The following SLC35D1 variants were observed in gnomAD, a reference collection of about 807,000 sequenced individuals.
SLC35D1 encodes the protein solute carrier family 35 member D1.
SLC35D1 carries 31 observed loss-of-function variants against 46.7 expected under a neutral mutation model. The ratio of observed to expected loss-of-function variants is 0.66; its 90% confidence interval spans 0.50 to 0.90. The LOEUF is 0.90. SLC35D1 is among the 40% of genes least tolerant of loss of function. SLC35D1 has a pLI of 0.00. For missense variants in SLC35D1, 397 were observed against 426.2 expected (o/e 0.93, Z 0.60); for synonymous variants, 195 against 164.6 (o/e 1.18, Z -1.41).
intron 7 of SLC35D1, among the ~76,000 whole-genome samples, chr1:67,044,239 G>A (rs988696656): frequency 8.6e-5 from 13 of 151,502 alleles, no homozygotes; most frequent in Non-Finnish European, 1.9e-4. Flanking sequence ...AAGAGGCTGA[G>A]GCACAAGAAT....
the SLC35D1 span, among the ~76,000 whole-genome samples, chr1:66,990,636 T>C: frequency 7.2e-5 from 11 of 151,990 alleles, no homozygotes; most frequent in Non-Finnish European, 1.6e-4. Context: ...CAGATGGGAG[T>C]TGTAGTAGAA....
At chr1:67,042,834 C>T (rs1425533501) in intron 7 of SLC35D1, among the ~76,000 whole-genome samples, 3 of 152,210 alleles carry the variant, frequency 2.0e-5, no homozygotes, top group East Asian at 3.9e-4. Context: ...GAGGCTGAGG[C>T]GGACAGATTG....
intron 10 of SLC35D1, among the ~76,000 whole-genome samples, chr1:67,009,592 A>G (rs540075571): frequency 1.3e-5 from 2 of 152,364 alleles, no homozygotes; most frequent in Admixed American, 1.3e-4. Context: ...AAGGCTCATC[A>G]CCAATCATCA....
chr1:67,037,479 C>A (rs2102331796), intron 8 of SLC35D1, among the ~76,000 whole-genome samples: 1 of 148,696 alleles, frequency 6.7e-6, no homozygotes, highest in African/African-American at 2.6e-5. Flanking sequence ...TTCTGGCTGT[C>A]TAGACTCCTG....
At chr1:66,984,725 C>G in the SLC35D1 span, 1 of 1,613,936 alleles carries the variant, frequency 6.2e-7, no homozygotes, top group Non-Finnish European at 8.5e-7. Context: ...ACCACTGACC[C>G]AAAACTTGCC....
At chr1:67,004,857 T>C (rs972082993) in intron 11 of SLC35D1, among the ~76,000 whole-genome samples, 1 of 152,038 alleles carries the variant, frequency 6.6e-6, no homozygotes, top group Non-Finnish European at 1.5e-5. Flanking sequence ...TTTCGAAAAA[T>C]AGGCATTAAT....
intron 5 of SLC35D1, 30 bp from the exon 6 acceptor site, chr1:67,049,880 C>T (rs755024919): frequency 1.3e-6 from 2 of 1,510,162 alleles, no homozygotes; most frequent in Non-Finnish European, 9.2e-7. Flanking sequence ...AAAATACACA[C>T]ATGACTTTAT....
chr1:67,049,916 C>CA (rs1471806694), intron 5 of SLC35D1, 66 bp from the exon 6 acceptor site: 13 of 1,078,714 alleles, frequency 1.2e-5, no homozygotes, highest in Admixed American at 5.7e-5. Context: ...ACAACAGAAG[C>CA]AAAAAATGGG....
rs1667396513 is a variant in SLC35D1 at position 67,004,085 on chromosome 1, A to T, written c.*255T>A. 2.4e-6 allele frequency: 1 copy of T among 411,018 alleles called. No individual in the cohort carries two copies. The highest frequency in any genetic ancestry group is 2.0e-5 in the African/African-American group (1 of 49,676). The allele number at this position is 411,018 out of a possible 1,614,324, so 25.5% of individuals were successfully genotyped here. On this transcript the variant is annotated 3_prime_UTR_variant, in exon 12 of 12. Transcript: ENST00000235345. ...ATGTTTCACTGTCGGCATATAAGAA[A>T]AATAAATTAAAAAGCCCAGTACCTT...
intron 7 of SLC35D1, among the ~76,000 whole-genome samples, chr1:67,043,531 CAAGA>C (rs1388890876): frequency 6.6e-6 from 1 of 152,076 alleles, no homozygotes; most frequent in East Asian, 1.9e-4. Context: ...GGCACCAGAG[CAAGA>C]CCCTGGCTCA....
chr1:66,982,514 A>G, the SLC35D1 span, among the ~76,000 whole-genome samples: 1 of 152,222 alleles, frequency 6.6e-6, no homozygotes, highest in East Asian at 1.9e-4. Context: ...ACCAGAGATC[A>G]CTGTGCTGAT....
intron 9 of SLC35D1, among the ~76,000 whole-genome samples, chr1:67,020,906 CT>C (rs569008056): frequency 2.4e-4 from 37 of 152,312 alleles, no homozygotes; most frequent in African/African-American, 8.9e-4. Flanking sequence ...CACTTAACAA[CT>C]AAGTGGCAGC....
At chr1:67,026,061 T>C (rs1466369378) in intron 8 of SLC35D1, among the ~76,000 whole-genome samples, 1 of 152,230 alleles carries the variant, frequency 6.6e-6, no homozygotes, top group Non-Finnish European at 1.5e-5. Flanking sequence ...GAACACTATA[T>C]GAGTACAGAC....
At chr1:67,036,614 C>T (rs61410204) in intron 8 of SLC35D1, among the ~76,000 whole-genome samples, 179 of 151,900 alleles carry the variant, frequency 1.2e-3, no homozygotes, top group African/African-American at 4.1e-3. Context: ...TTTTGGTCTC[C>T]ATTGGCATGT....
intron 8 of SLC35D1, among the ~76,000 whole-genome samples, chr1:67,029,870 C>G (rs1667982893): frequency 6.6e-6 from 1 of 152,208 alleles, no homozygotes; most frequent in Admixed American, 6.5e-5. Context: ...CTGTTTCTTA[C>G]ACTATCAGTT....
intron 8 of SLC35D1, among the ~76,000 whole-genome samples, chr1:67,030,001 TG>T (rs954302065): frequency 2.9e-4 from 44 of 152,132 alleles, no homozygotes; most frequent in African/African-American, 1.1e-3. Flanking sequence ...TCATTAGCTT[TG>T]CACTAAGTTT....
intron 8 of SLC35D1, among the ~76,000 whole-genome samples, chr1:67,024,501 A>C (rs1667877657): frequency 6.6e-6 from 1 of 152,176 alleles, no homozygotes; most frequent in Non-Finnish European, 1.5e-5. Flanking sequence ...TGAGTAGCTT[A>C]AATGGCAGAA....
the SLC35D1 span, among the ~76,000 whole-genome samples, chr1:66,979,498 C>T: frequency 6.6e-6 from 1 of 152,126 alleles, no homozygotes; most frequent in Non-Finnish European, 1.5e-5. Flanking sequence ...AATTGGGAAC[C>T]TTATTGGAGA....
chr1:67,027,129 C>CT (rs1335869137), intron 8 of SLC35D1, among the ~76,000 whole-genome samples: 5 of 152,202 alleles, frequency 3.3e-5, no homozygotes, highest in African/African-American at 9.6e-5. Flanking sequence ...CATAGTTTGT[C>CT]TTTTCCAAGA....
Sources: gnomAD v4.1 joint callset for allele counts (sites outside exome capture counted in the v4.1 genomes callset) on GRCh38, gnomAD v4.1.1 for gene constraint, MANE v1.5 for transcripts, NCBI Gene and HGNC (gene_info 2026-07-23, HGNC 2026-07-21) for gene names.